Variants in CTCF observed in about 807,000 individuals in gnomAD.
CTCF encodes transcriptional repressor CTCF.
A neutral mutation model predicts 72.3 loss-of-function variants in CTCF; 7 were observed. That is an observed-to-expected ratio of 0.10 (90% confidence interval 0.06 to 0.18). The LOEUF (loss-of-function observed/expected upper bound fraction) is 0.18, where lower values mean the gene tolerates loss of function less well. Among genes scored for constraint, CTCF ranks in the 10% least tolerant of loss-of-function variants. CTCF has a pLI of 1.00. For synonymous variants in CTCF, 374 were observed against 315.8 expected, an observed-to-expected ratio of 1.18 and a Z score of -1.95; for missense variants, 516 against 949.1, an observed-to-expected ratio of 0.54 and a Z score of 6.00.
intron 2 of CTCF, among the ~76,000 whole-genome samples, chr16:67,596,564 A>G (rs1431131188): frequency 1.3e-5 from 2 of 151,616 alleles, no homozygotes; most frequent in Non-Finnish European, 2.9e-5. Context: ...GTCATACATA[A>G]TTTTATTTTT....
intron 2 of CTCF, among the ~76,000 whole-genome samples, chr16:67,605,099 A>T (rs1193273536): frequency 6.7e-6 from 1 of 148,476 alleles, no homozygotes; most frequent in Non-Finnish European, 1.5e-5. Context: ...CAGCCTCCCG[A>T]GTAGCTGGGA....
intron 10 of CTCF, among the ~76,000 whole-genome samples, chr16:67,631,469 T>C (rs570837704): frequency 6.6e-6 from 1 of 152,076 alleles, no homozygotes; most frequent in East Asian, 1.9e-4. Context: ...CCGGCTGTTT[T>C]TTTGTTTTTA....
At chr16:67,566,453 T>G (rs1181958671) in intron 1 of CTCF, among the ~76,000 whole-genome samples, 1 of 132,990 alleles carries the variant, frequency 7.5e-6, no homozygotes, top group African/African-American at 2.8e-5. Context: ...GAGGTTGCAG[T>G]GAGTCAAGAT....
chr16:67,578,515 T>A (rs561642101), intron 2 of CTCF, among the ~76,000 whole-genome samples: 1 of 151,660 alleles, frequency 6.6e-6, no homozygotes, highest in Admixed American at 6.6e-5. Context: ...GTAGTTTTAG[T>A]AGAGATGGGA....
chr16:67,610,153 A>G (rs113823055), intron 2 of CTCF, among the ~76,000 whole-genome samples: 2 of 152,130 alleles, frequency 1.3e-5, no homozygotes, highest in African/African-American at 4.8e-5. Flanking sequence ...CTTGTTATCT[A>G]TTTGCAGAAG....
Position 67,612,206 on chromosome 16 carries a change from A to G in CTCF, c.952+85A>G. 3 of 1,288,268 alleles carry G rather than the reference A, an allele frequency of 2.3e-6. No homozygotes were observed. In the East Asian group the frequency reaches 7.6e-5, roughly 33 times the overall value. The allele number at this position is 1,288,268 out of a possible 1,614,324, so 79.8% of individuals were successfully genotyped here. Reference sequence around the variant, plus strand: ...TTCATTCAAGCTGACTCCAGCGGGAATTTAAAGGAAGTTTTTATTATTTCT... The same window carrying G: ...TTCATTCAAGCTGACTCCAGCGGGAGTTTAAAGGAAGTTTTTATTATTTCT... On this transcript the variant is annotated intron_variant, in intron 4 of 11. Coordinates refer to ENST00000264010, the MANE Select transcript of CTCF (RefSeq NM_006565.4).
intron 2 of CTCF, among the ~76,000 whole-genome samples, chr16:67,598,955 A>G (rs976800903): frequency 6.6e-6 from 1 of 152,246 alleles, no homozygotes; most frequent in Non-Finnish European, 1.5e-5. Flanking sequence ...GTAAGGAAAG[A>G]ATTAGAGACA....
intron 1 of CTCF, among the ~76,000 whole-genome samples, chr16:67,565,000 C>T (rs954529599): frequency 6.6e-6 from 1 of 151,798 alleles, no homozygotes; most frequent in Non-Finnish European, 1.5e-5. Flanking sequence ...TAGGGTAACC[C>T]AGACCTTTTT....
chr16:67,574,511 T>C (rs1291284896), intron 2 of CTCF, among the ~76,000 whole-genome samples: 1 of 151,518 alleles, frequency 6.6e-6, no homozygotes, highest in Non-Finnish European at 1.5e-5. Flanking sequence ...CTGGCTAATT[T>C]TGGTATTTTT....
chr16:67,576,508 A>G (rs2051498886), intron 2 of CTCF, among the ~76,000 whole-genome samples: 1 of 151,242 alleles, frequency 6.6e-6, no homozygotes. Context: ...ATATTTAACA[A>G]TAGGTGACTG....
rs1303581636 is a variant in CTCF, at chr16:67,611,442, A to T, written c.610A>T (p.Thr204Ser). The change falls in exon 3 of 12, where the codon ACA becomes TCA. Residue 204 changes from threonine (T) to serine (S), a missense_variant. Thr to Ser is a moderately conservative substitution (Grantham distance 58). This residue lies in a region of CTCF where 53 missense variants were observed against 63.6 expected (regional missense o/e 0.83). Transcript: ENST00000264010. Reference protein sequence around the residue: ...DPDYQPPAKKTKKTKKSKLRY... With the variant: ...DPDYQPPAKKSKKTKKSKLRY... Reference sequence around the variant, plus strand: ...AGACTATCAGCCACCAGCCAAAAAAACAAAGAAAACCAAAAAGAGCAAACT... The same window carrying T: ...AGACTATCAGCCACCAGCCAAAAAATCAAAGAAAACCAAAAAGAGCAAACT... 1 of 1,614,230 alleles carries T rather than the reference A, an allele frequency of 6.2e-7. No individual in the cohort carries two copies. The highest frequency in any genetic ancestry group is 1.3e-5 in the African/African-American group (1 of 75,062).
intron 2 of CTCF, among the ~76,000 whole-genome samples, chr16:67,609,123 T>C (rs1309177353): frequency 6.6e-6 from 1 of 152,134 alleles, no homozygotes; most frequent in African/African-American, 2.4e-5. Flanking sequence ...TCCCAGCACT[T>C]TGGGAGGCTT....
intron 10 of CTCF, among the ~76,000 whole-genome samples, chr16:67,635,916 G>A (rs1265044776): frequency 1.3e-5 from 2 of 151,258 alleles, no homozygotes; most frequent in Admixed American, 6.6e-5. Flanking sequence ...GTGAACCACC[G>A]TGCCCAGCCT....
intron 2 of CTCF, among the ~76,000 whole-genome samples, chr16:67,575,413 A>G (rs1449027377): frequency 6.6e-6 from 1 of 151,078 alleles, no homozygotes; most frequent in Non-Finnish European, 1.5e-5. Flanking sequence ...TGGGCAGGGC[A>G]GTTCTATTAG....
chr16:67,570,446 T>G (rs977660740), intron 1 of CTCF, among the ~76,000 whole-genome samples: 3 of 147,190 alleles, frequency 2.0e-5, no homozygotes, highest in Admixed American at 2.0e-4. Flanking sequence ...CAGTGGAGTG[T>G]TTTGTTTTGT....
chr16:67,592,442 A>G (rs143920082), intron 2 of CTCF, among the ~76,000 whole-genome samples: 3,036 of 152,018 alleles, frequency 0.02, 91 homozygotes, highest in South Asian at 0.069. Context: ...ACAGTGGCTC[A>G]TGCCTGTAAT....
intron 10 of CTCF, among the ~76,000 whole-genome samples, chr16:67,629,925 C>A (rs1463229420): frequency 6.6e-6 from 1 of 151,118 alleles, no homozygotes; most frequent in Non-Finnish European, 1.5e-5. Flanking sequence ...CAGGCGCCCA[C>A]CACCAGGCCT....
chr16:67,622,106 C>T (rs1197236569), intron 7 of CTCF, among the ~76,000 whole-genome samples: 2 of 152,132 alleles, frequency 1.3e-5, no homozygotes, highest in African/African-American at 4.8e-5. Context: ...CCTGTAATCC[C>T]AGCACTTTGG....
chr16:67,615,354 A>G (rs926470645), intron 4 of CTCF: 1 of 152,270 alleles, frequency 6.6e-6, no homozygotes, highest in South Asian at 2.1e-4. Context: ...GTGGCTCACA[A>G]CCTGTAATCT....
Sources: gnomAD v4.1 joint callset for allele counts (sites outside exome capture counted in the v4.1 genomes callset) on GRCh38, gnomAD v4.1.1 for gene constraint, gnomAD v4.1.1 regional missense constraint, MANE v1.5 for transcripts, NCBI Gene and HGNC (gene_info 2026-07-23, HGNC 2026-07-21) for gene names.